The following NAT1 variants were observed in gnomAD, a reference collection of about 807,000 sequenced individuals.
The protein encoded by NAT1 is arylamine N-acetyltransferase 1.
For missense variants in NAT1, 400 were observed against 339.2 expected, an observed-to-expected ratio of 1.18 and a Z score of -1.41; for synonymous variants, 144 against 122.6, an observed-to-expected ratio of 1.17 and a Z score of -1.16.
chr8:18,211,521 G>C (rs1397381043), intron 1 of NAT1, among the ~76,000 whole-genome samples: 1 of 152,224 alleles, frequency 6.6e-6, no homozygotes. Flanking sequence ...TCTGGCCCTT[G>C]CTGTCTTCAG....
intron 2 of NAT1, among the ~76,000 whole-genome samples, chr8:18,200,511 A>G (rs187241503): frequency 6.6e-6 from 1 of 152,280 alleles, no homozygotes; most frequent in East Asian, 1.9e-4. Context: ...ATAAAAGGGA[A>G]CAACAGACAC....
At chr8:18,218,546 T>G (rs1804933092) in intron 1 of NAT1, among the ~76,000 whole-genome samples, 1 of 152,144 alleles carries the variant, frequency 6.6e-6, no homozygotes, top group Non-Finnish European at 1.5e-5. Context: ...CTAAATCAGG[T>G]GGGATTTATC....
intron 1 of NAT1, among the ~76,000 whole-genome samples, chr8:18,218,388 C>T (rs748834506): frequency 1.6e-4 from 24 of 152,106 alleles, no homozygotes; most frequent in African/African-American, 4.6e-4. Context: ...ATGGTACCTA[C>T]GGAGCATGTC....
chr8:18,197,270 A>T (rs1803274727), intron 2 of NAT1, among the ~76,000 whole-genome samples: 1 of 152,184 alleles, frequency 6.6e-6, no homozygotes, highest in Non-Finnish European at 1.5e-5. Context: ...TCAATTCTTA[A>T]GCAATTTTGT....
intron 2 of NAT1, among the ~76,000 whole-genome samples, chr8:18,178,532 G>A (rs551241399): frequency 6.6e-6 from 1 of 152,270 alleles, no homozygotes; most frequent in East Asian, 1.9e-4. Flanking sequence ...TGGCCAGGAT[G>A]TGTAGACAGC....
At chr8:18,205,558 C>A (rs547875707), upstream of NAT1, among the ~76,000 whole-genome samples, 20 of 152,114 alleles carry the variant, frequency 1.3e-4, no homozygotes, top group Admixed American at 4.6e-4. Flanking sequence ...TGATGGTTTG[C>A]GGAGGGAGGA....
At chr8:18,197,580 G>T (rs1033942095) in intron 2 of NAT1, among the ~76,000 whole-genome samples, 27 of 152,172 alleles carry the variant, frequency 1.8e-4, no homozygotes, top group Non-Finnish European at 3.8e-4. Flanking sequence ...CAGTAGTGTT[G>T]AGATTCAGAA....
At chr8:18,200,105 A>C (rs1478435215) in intron 2 of NAT1, among the ~76,000 whole-genome samples, 1 of 152,220 alleles carries the variant, frequency 6.6e-6, no homozygotes, top group Non-Finnish European at 1.5e-5. Flanking sequence ...AATGTAAGTT[A>C]GTTCAGTCAC....
chr8:18,177,053 A>G (rs1465193077), intron 2 of NAT1, among the ~76,000 whole-genome samples: 1 of 152,014 alleles, frequency 6.6e-6, no homozygotes, highest in African/African-American at 2.4e-5. Context: ...TGATTTTTGC[A>G]TGTTGATTTT....
upstream of NAT1, among the ~76,000 whole-genome samples, chr8:18,209,418 T>C (rs981445649): frequency 2.0e-5 from 3 of 152,246 alleles, no homozygotes; most frequent in African/African-American, 4.8e-5. Flanking sequence ...TGTATGTATG[T>C]ATAAGAACAC....
rs575239553 is a variant in NAT1, at chr8:18,174,248, C to T, written n.92+3509C>T. On this transcript the variant is annotated intron_variant and non_coding_transcript_variant, in intron 2 of 4. Transcript: ENST00000517441. The stretch of plus-strand genomic sequence containing the variant: ...GCTGTGAGGCAAGGCTGTTCAGTGA[C>T]TGGACTTATATCCACCATCACTGAT... Among the ~76,000 whole-genome samples, 225 of 152,312 alleles carry T rather than the reference C, an allele frequency of 1.5e-3. 3 individuals are homozygous for T. The highest frequency in any genetic ancestry group is 2.2e-3 in the Non-Finnish European group (149 of 68,020).
At chr8:18,200,204 G>T (rs1803403692) in intron 2 of NAT1, among the ~76,000 whole-genome samples, 1 of 152,100 alleles carries the variant, frequency 6.6e-6, no homozygotes, top group Admixed American at 6.5e-5. Flanking sequence ...TATACCCAAA[G>T]GAATATAAAT....
chr8:18,183,385 G>A (rs989396183), intron 2 of NAT1, among the ~76,000 whole-genome samples: 3 of 152,060 alleles, frequency 2.0e-5, no homozygotes, highest in Non-Finnish European at 2.9e-5. Context: ...TCACGTCCTC[G>A]CATATAAAAT....
intron 2 of NAT1, among the ~76,000 whole-genome samples, chr8:18,175,210 G>C (rs933479773): frequency 6.6e-6 from 1 of 151,246 alleles, no homozygotes; most frequent in Non-Finnish European, 1.5e-5. Flanking sequence ...TTTTTTTTTG[G>C]TGTGATGAGA....
chr8:18,188,233 G>C (rs576562292), intron 2 of NAT1, among the ~76,000 whole-genome samples: 1 of 152,160 alleles, frequency 6.6e-6, no homozygotes, highest in Non-Finnish European at 1.5e-5. Flanking sequence ...CACTGTAACT[G>C]TAAGAAAGCA....
intron 2 of NAT1, among the ~76,000 whole-genome samples, chr8:18,191,063 A>AAACAAAAG (rs916738319): frequency 1.1e-4 from 1 of 8,736 alleles, no homozygotes; most frequent in Non-Finnish European, 3.9e-4. Flanking sequence ...AGACTGTCCA[A>AAACAAAAG]AAAAAAAAGA....
At chr8:18,208,238 C>T (rs1049195834), upstream of NAT1, among the ~76,000 whole-genome samples, 26 of 151,552 alleles carry the variant, frequency 1.7e-4, no homozygotes, top group African/African-American at 5.8e-4. Flanking sequence ...CATTGACCTA[C>T]GTAATAAACC....
chr8:18,192,017 C>T (rs1197416780), intron 2 of NAT1, among the ~76,000 whole-genome samples: 1 of 151,526 alleles, frequency 6.6e-6, no homozygotes, highest in Non-Finnish European at 1.5e-5. Flanking sequence ...AGAGCTTCTG[C>T]ACAGCAAAAG....
chr8:18,190,829 G>A (rs367563424), intron 2 of NAT1, among the ~76,000 whole-genome samples: 20 of 152,196 alleles, frequency 1.3e-4, no homozygotes, highest in African/African-American at 4.1e-4. Flanking sequence ...CGCTTTGGGA[G>A]GCCGAGGTGG....
Sources: allele counts gnomAD v4.1 joint callset (sites outside exome capture counted in the v4.1 genomes callset), GRCh38; gene constraint gnomAD v4.1.1; transcripts MANE v1.5; gene names NCBI Gene and HGNC (gene_info 2026-07-23, HGNC 2026-07-21).